TRPM3: variants seen among roughly 807,000 people sequenced by gnomAD.
The protein encoded by TRPM3 is transient receptor potential cation channel subfamily M member 3.
A neutral mutation model predicts 181.2 loss-of-function variants in TRPM3; 77 were observed. The ratio of observed to expected loss-of-function variants is 0.42; its 90% confidence interval spans 0.35 to 0.51. The LOEUF (loss-of-function observed/expected upper bound fraction) is 0.51. Ranked by LOEUF, TRPM3 falls within the 20% of genes least tolerant of loss-of-function variation. TRPM3 has a pLI of 0.01. For synonymous variants in TRPM3, 745 were observed against 796.4 expected (o/e 0.94, Z 1.09); for missense variants, 1,759 against 2,196.7 (o/e 0.80, Z 3.98).
chr9:71,022,274 C>T (rs1462589109), intron 1 of TRPM3, among the ~76,000 whole-genome samples: 1 of 152,116 alleles, frequency 6.6e-6, no homozygotes, highest in African/African-American at 2.4e-5. Flanking sequence ...GACAAAGGTG[C>T]AAAAGCAATT....
rs2097804771 is a variant in TRPM3, at chr9:71,018,453, G to A, written c.177+102725C>T. 3.3e-5 allele frequency among the ~76,000 whole-genome samples: 5 copies of A among 151,654 alleles called. No homozygotes were observed. The South Asian group carries it at 1.0e-3, about 31-fold the overall frequency. On this transcript the variant is annotated intron_variant, in intron 1 of 25. Transcript: ENST00000677713. ...GACTGATTAGAAAAACAGAAAAGTT[G>A]CAAAAAACCAATCTTGTAAATGTAA...
intron 6 of TRPM3, chr9:70,826,331 T>C (rs2093554731): frequency 6.6e-6 from 1 of 152,248 alleles, no homozygotes; most frequent in South Asian, 2.1e-4. Flanking sequence ...TGCTGGTCTC[T>C]GTATATTTTC....
intron 5 of TRPM3, among the ~76,000 whole-genome samples, chr9:70,833,425 T>C (rs1229994322): frequency 6.6e-6 from 1 of 152,192 alleles, no homozygotes; most frequent in Non-Finnish European, 1.5e-5. Context: ...TCTTTCCTAA[T>C]AGCACCATCA....
chr9:70,588,540 A>G (rs911842173), intron 22 of TRPM3, among the ~76,000 whole-genome samples: 1 of 151,754 alleles, frequency 6.6e-6, no homozygotes, highest in African/African-American at 2.4e-5. Flanking sequence ...GTGTGTTTGA[A>G]TGAGCAGCAT....
chr9:71,177,882 T>C (rs776598074), intron 1 of TRPM3, among the ~76,000 whole-genome samples: 2 of 148,256 alleles, frequency 1.3e-5, no homozygotes, highest in Non-Finnish European at 3.0e-5. Flanking sequence ...CCTTAAACTA[T>C]AGGGAGCTGT....
At chr9:70,904,900 T>G (rs1473499511) in intron 1 of TRPM3, among the ~76,000 whole-genome samples, 1 of 152,296 alleles carries the variant, frequency 6.6e-6, no homozygotes, top group Non-Finnish European at 1.5e-5. Context: ...GAGCTTAAAG[T>G]TTTCTTATGG....
chr9:71,192,795 C>T (rs1372619409), intron 1 of TRPM3, among the ~76,000 whole-genome samples: 1 of 151,680 alleles, frequency 6.6e-6, no homozygotes, highest in Non-Finnish European at 1.5e-5. Flanking sequence ...TTCTGTTGCT[C>T]ATGCTTTTGG....
chr9:71,372,764 C>T (rs2092557673), intron 1 of TRPM3, among the ~76,000 whole-genome samples: 1 of 152,070 alleles, frequency 6.6e-6, no homozygotes, highest in Admixed American at 6.6e-5. Context: ...TTCAAAGACA[C>T]CAAATGGCAA....
chr9:71,358,368 A>G (rs753248073), intron 1 of TRPM3, among the ~76,000 whole-genome samples: 20 of 152,178 alleles, frequency 1.3e-4, no homozygotes, highest in Non-Finnish European at 1.6e-4. Flanking sequence ...TTGGAAAATC[A>G]CAGACTTACA....
chr9:70,596,597 G>C (rs2059069098), intron 21 of TRPM3, among the ~76,000 whole-genome samples: 1 of 151,970 alleles, frequency 6.6e-6, no homozygotes, highest in East Asian at 1.9e-4. Flanking sequence ...CTGGCGTGGT[G>C]GCAGGTGACT....
At chr9:71,354,716 C>A (rs571784498) in intron 1 of TRPM3, among the ~76,000 whole-genome samples, 1 of 152,298 alleles carries the variant, frequency 6.6e-6, no homozygotes, top group South Asian at 2.1e-4. Context: ...CTACTTATTT[C>A]TAAGTTATCC....
chr9:71,015,509 A>T (rs2097777297), intron 1 of TRPM3, among the ~76,000 whole-genome samples: 1 of 152,360 alleles, frequency 6.6e-6, no homozygotes, highest in South Asian at 2.1e-4. Flanking sequence ...GATAAAAATC[A>T]GTCTACATTG....
In TRPM3 at chr9:70,536,209, A is replaced by C; in HGVS notation, c.4904T>G (p.Leu1635Arg). The change falls in exon 26 of 26, where the codon CTG becomes CGG. Residue 1635 changes from leucine (L) to arginine (R), a missense_variant. Leu to Arg is a moderately radical substitution (Grantham distance 102). Transcript: ENST00000677713. ...CTTGGGAACAGTGATGTTGTTGGAC[A>C]GGGTTCTCTCTGAGTTATCACCCTC... ...SQEGDNSERT[L>R]SNNITVPKIE... The C allele has an allele frequency of 6.2e-7, 1 of 1,614,226 alleles. No homozygotes were observed. Among genetic ancestry groups the C allele is most frequent in the Non-Finnish European group, 8.5e-7 (1 of 1,180,046 alleles).
intron 1 of TRPM3, among the ~76,000 whole-genome samples, chr9:71,314,410 C>G (rs926621030): frequency 1.3e-5 from 2 of 152,032 alleles, no homozygotes; most frequent in Non-Finnish European, 1.5e-5. Context: ...TCTTTGTTCT[C>G]TAGTTTCAAC....
At chr9:71,347,885 G>C (rs1169522617) in intron 1 of TRPM3, among the ~76,000 whole-genome samples, 1 of 152,030 alleles carries the variant, frequency 6.6e-6, no homozygotes, top group Non-Finnish European at 1.5e-5. Flanking sequence ...GTTATTGATT[G>C]CTTATTTCTT....
rs571727618 is a variant in TRPM3 at position 70,752,291 on chromosome 9, T to C, written c.1272+9310A>G. ...CATGTATAGGTGGAAACCTGCTTTA[T>C]GAAAGAGCTGGCATTATGCGACATA... is the stretch of plus-strand genomic sequence containing the variant. On this transcript the variant is annotated intron_variant, in intron 8 of 25. Coordinates refer to ENST00000677713, the MANE Select transcript of TRPM3 (RefSeq NM_001366145.2). Among the ~76,000 whole-genome samples, 72 of 152,264 alleles carry C rather than the reference T, an allele frequency of 4.7e-4. 3 individuals carry two copies. In the South Asian group the frequency reaches 0.015, roughly 31 times the overall value.
At chr9:71,377,016 C>A (rs549476690) in intron 1 of TRPM3, among the ~76,000 whole-genome samples, 1 of 152,200 alleles carries the variant, frequency 6.6e-6, no homozygotes, top group Non-Finnish European at 1.5e-5. Context: ...ATAGCTGCCA[C>A]GTGCCATGAA....
chr9:70,584,002 C>T (rs991358580), intron 22 of TRPM3, among the ~76,000 whole-genome samples: 1 of 152,134 alleles, frequency 6.6e-6, no homozygotes, highest in African/African-American at 2.4e-5. Context: ...CCTGAGTCTT[C>T]CAGAACCCAA....
intron 1 of TRPM3, among the ~76,000 whole-genome samples, chr9:70,949,590 G>C (rs566952632): frequency 6.6e-6 from 1 of 151,584 alleles, no homozygotes; most frequent in Admixed American, 6.6e-5. Context: ...CGACCAGGCT[G>C]GTACAATCAT....
Sources: allele counts gnomAD v4.1 joint callset (sites outside exome capture counted in the v4.1 genomes callset), GRCh38; gene constraint gnomAD v4.1.1; transcripts MANE v1.5; gene names NCBI Gene and HGNC (gene_info 2026-07-23, HGNC 2026-07-21).